Variants in TRDMT1 observed in about 807,000 individuals in gnomAD.
The protein encoded by TRDMT1 is tRNA (cytosine(38)-C(5))-methyltransferase.
A neutral mutation model predicts 51.2 loss-of-function variants in TRDMT1; 49 were observed. The ratio of observed to expected loss-of-function variants is 0.96; its 90% CI spans 0.76 to 1.21. The LOEUF (loss-of-function observed/expected upper bound fraction) is 1.21. TRDMT1 is among the 50% of genes most tolerant of loss of function. The pLI is 0.00. For synonymous variants in TRDMT1, 187 were observed against 164.6 expected, an observed-to-expected ratio of 1.14 and a Z score of -1.04; for missense variants, 534 against 462.3, an observed-to-expected ratio of 1.16 and a Z score of -1.42.
In TRDMT1 at chr10:17,140,467, A is replaced by G. The variant is rs891859696; in HGVS notation, c.*8573T>C. Among the ~76,000 whole-genome samples the G allele has an allele frequency of 6.6e-6, 1 of 152,126 alleles. No individual in the cohort carries two copies. Among genetic ancestry groups the G allele is most frequent in the Non-Finnish European group, 1.5e-5 (1 of 68,024 alleles). ...CATATCTAAGTCAGTTAATTGGACA[A>G]TTATTTATTAGGTACCCACTATCTG... On this transcript the variant is annotated 3_prime_UTR_variant, in exon 11 of 11. Coordinates refer to ENST00000377799, the MANE Select transcript of TRDMT1 (RefSeq NM_004412.7).
chr10:17,168,369 T>A (rs936718160), intron 3 of TRDMT1, among the ~76,000 whole-genome samples: 2 of 152,028 alleles, frequency 1.3e-5, no homozygotes, highest in South Asian at 4.2e-4. Context: ...TATGAAAAAA[T>A]TTCCGAACTA....
Position 17,143,460 on chromosome 10 carries a change from G to C in TRDMT1, c.*5580C>G, listed in dbSNP as rs1554824026. On this transcript the variant is annotated 3_prime_UTR_variant, in exon 11 of 11. Coordinates refer to ENST00000377799, the MANE Select transcript of TRDMT1 (RefSeq NM_004412.7). ...TCAACTCATTTCTACTACACAAGGAGTATCACATTCCATTCAGTGTTTTCA... is the reference window on the plus strand; with the variant it reads ...TCAACTCATTTCTACTACACAAGGACTATCACATTCCATTCAGTGTTTTCA... 1.0e-6 allele frequency: 1 copy of C among 985,332 alleles called. No individual in the cohort carries two copies. Among genetic ancestry groups the C allele is most frequent in the Non-Finnish European group, 1.2e-6 (1 of 829,938 alleles). The allele number at this position is 985,332 out of a possible 1,614,324, so 61.0% of individuals were successfully genotyped here. A position where few individuals can be genotyped will look rare whatever the true frequency, so the allele number is the denominator to read the frequency against.
At chr10:17,169,061 A>C (rs1190608169) in intron 2 of TRDMT1, 144 bp from the exon 3 acceptor site, 9 of 647,756 alleles carry the variant, frequency 1.4e-5, no homozygotes, top group Non-Finnish European at 2.5e-6. Flanking sequence ...TTGGTTAACT[A>C]ACTTCTCAAA....
At chr10:17,173,683 C>A (rs1275330087) in intron 2 of TRDMT1, among the ~76,000 whole-genome samples, 2 of 151,488 alleles carry the variant, frequency 1.3e-5, no homozygotes, top group African/African-American at 4.8e-5. Context: ...CAATAAACTA[C>A]ATATTTATTG....
At chr10:17,192,102 A>C (rs1039140403) in intron 1 of TRDMT1, among the ~76,000 whole-genome samples, 2 of 152,190 alleles carry the variant, frequency 1.3e-5, no homozygotes, top group Non-Finnish European at 2.9e-5. Context: ...ACAAGACAGG[A>C]GAGAGATTAT....
At chr10:17,164,481 TC>T (rs1840881807) in intron 3 of TRDMT1, among the ~76,000 whole-genome samples, 1 of 152,104 alleles carries the variant, frequency 6.6e-6, no homozygotes, top group Non-Finnish European at 1.5e-5. Flanking sequence ...CCCTCTCTCA[TC>T]ACTTCTATTC....
rs1210075345 is a variant in TRDMT1, at chr10:17,140,620, AC to A, written c.*8419del. Among the ~76,000 whole-genome samples the A allele has an allele frequency of 1.3e-5, 2 of 152,218 alleles. No homozygotes were observed. Among genetic ancestry groups the A allele is most frequent in the Non-Finnish European group, 2.9e-5 (2 of 68,046 alleles). On this transcript the variant is annotated 3_prime_UTR_variant, in exon 11 of 11. Transcript: ENST00000377799. ...CAAGATGCAAATGAGGTAGCAACTT[AC>A]AAGCTTACAATGAACAGACTCTACA...
At chr10:17,160,496 G>C in intron 5 of TRDMT1, 122 bp from the exon 6 acceptor site, 1 of 569,700 alleles carries the variant, frequency 1.8e-6, no homozygotes, top group Non-Finnish European at 2.8e-6. Flanking sequence ...TTTTGAGACA[G>C]AGTCTCACTC....
intron 1 of TRDMT1, 91 bp downstream of exon 1, chr10:17,201,480 T>C (rs1354004354): frequency 6.1e-6 from 8 of 1,318,626 alleles, no homozygotes; most frequent in Non-Finnish European, 8.2e-6. Flanking sequence ...TGTCCGCCCC[T>C]TGCGTCTCGC....
At chr10:17,173,154 G>A (rs1462858175) in intron 2 of TRDMT1, among the ~76,000 whole-genome samples, 3 of 151,942 alleles carry the variant, frequency 2.0e-5, no homozygotes, top group Non-Finnish European at 2.9e-5. Flanking sequence ...TGAAAATTTG[G>A]TATTTTCTCA....
At chr10:17,191,378 G>C (rs1399351461) in intron 1 of TRDMT1, among the ~76,000 whole-genome samples, 2 of 152,200 alleles carry the variant, frequency 1.3e-5, no homozygotes, top group Admixed American at 1.3e-4. Context: ...TCAGTAAAGA[G>C]GCTACTGCAA....
chr10:17,167,529 A>T (rs76202583), intron 3 of TRDMT1, among the ~76,000 whole-genome samples: 4,790 of 152,258 alleles, frequency 0.031, 247 homozygotes, highest in African/African-American at 0.11. Flanking sequence ...TTTCATTTAA[A>T]ATAATCCAAA....
intron 2 of TRDMT1, chr10:17,171,631 T>C (rs939740955): frequency 1.3e-5 from 2 of 152,232 alleles, no homozygotes; most frequent in Non-Finnish European, 1.5e-5. Flanking sequence ...CTGAATAATG[T>C]CCTAAAAAAT....
rs555660774 is a variant in TRDMT1 at position 17,141,781 on chromosome 10, A to G, written c.*7259T>C. On this transcript the variant is annotated 3_prime_UTR_variant, in exon 11 of 11. Transcript: ENST00000377799. ...AGATTCAAGAAGGTGAATGAACACC[A>G]AACAGGATATTACATTCACTTTGAA... is the stretch of plus-strand genomic sequence containing the variant. 7.2e-5 allele frequency among the ~76,000 whole-genome samples: 11 copies of G among 152,246 alleles called. No individual in the cohort carries two copies. The highest frequency in any genetic ancestry group is 1.3e-4 in the Non-Finnish European group (9 of 68,046).
intron 1 of TRDMT1, among the ~76,000 whole-genome samples, chr10:17,186,295 A>AT (rs1314218259): frequency 6.6e-6 from 1 of 152,138 alleles, no homozygotes; most frequent in Non-Finnish European, 1.5e-5. Flanking sequence ...TTACATGGGA[A>AT]TCAGGATTTT....
chr10:17,162,067 G>C, intron 4 of TRDMT1, 99 bp downstream of exon 4: 1 of 1,002,678 alleles, frequency 1.0e-6, no homozygotes, highest in South Asian at 1.4e-5. Flanking sequence ...AAGGGAGCAT[G>C]TATAAATGGC....
At chr10:17,187,322 A>G (rs919020549) in intron 1 of TRDMT1, among the ~76,000 whole-genome samples, 1 of 152,252 alleles carries the variant, frequency 6.6e-6, no homozygotes, top group Non-Finnish European at 1.5e-5. Context: ...ATCAAAAATT[A>G]AGATAACAAT....
chr10:17,191,605 T>C (rs1844693288), intron 1 of TRDMT1, among the ~76,000 whole-genome samples: 1 of 152,058 alleles, frequency 6.6e-6, no homozygotes, highest in Non-Finnish European at 1.5e-5. Context: ...TGACCACACC[T>C]CAGAGCTGTC....
At chr10:17,161,374 T>C (rs531129543) in intron 5 of TRDMT1, 109 bp downstream of exon 5, 40 of 761,604 alleles carry the variant, frequency 5.3e-5, no homozygotes, top group South Asian at 1.2e-4. Context: ...ATTTAATATA[T>C]AAAATGTCAG....
Sources: allele counts gnomAD v4.1 joint callset (sites outside exome capture counted in the v4.1 genomes callset), GRCh38; gene constraint gnomAD v4.1.1; transcripts MANE v1.5; gene names NCBI Gene and HGNC (gene_info 2026-07-23, HGNC 2026-07-21).